FASTKD5: variants seen among roughly 807,000 people sequenced by gnomAD.
FASTKD5 encodes the protein non-canonical pre-mRNAs endonuclease FASTKD5, mitochondrial.
In FASTKD5, 30 loss-of-function variants were observed where a neutral mutation model predicts 44.0. The observed-to-expected ratio is 0.68, with a 90% CI of 0.51 to 0.93. The LOEUF is 0.93. FASTKD5 is among the 40% of genes least tolerant of loss of function. The probability of loss-of-function intolerance (pLI) is 0.00; values close to 1 mark genes in which losing one functional copy is unlikely to be tolerated. For missense variants in FASTKD5, 868 were observed against 908.2 expected (o/e 0.96, Z 0.57); for synonymous variants, 335 against 342.2 (o/e 0.98, Z 0.23).
rs760333265 is a variant in FASTKD5, at chr20:3,147,952, G to T, written c.1119C>A (p.Phe373Leu). The change falls in exon 2 of 2, where the codon TTC (phenylalanine) becomes TTA (leucine). Residue 373 changes from phenylalanine (F) to leucine (L), a missense_variant. Physicochemically the swap from Phe to Leu is conservative, Grantham distance 22. Transcript: ENST00000380266. ...GAGCTATCTCTCCAATCTGCTTCAT[G>T]AAATTGATGTGATCCACGTGAGTGA... The part of the protein sequence containing the change: ...FRFTHVDHIN[F>L]MKQIGEIAPQ... The T allele has an allele frequency of 6.2e-7, 1 of 1,614,244 alleles. No homozygotes were observed. The highest frequency in any genetic ancestry group is 1.7e-5 in the Admixed American group (1 of 60,028).
chr20:3,148,602 T>A lies in FASTKD5; in HGVS notation c.469A>T (p.Asn157Tyr). The A allele has an allele frequency of 6.2e-7, 1 of 1,614,196 alleles. No homozygotes were observed. The highest frequency in any genetic ancestry group is 8.5e-7 in the Non-Finnish European group (1 of 1,180,048). ...TCAACAATGACTTGAGCCTGGAGATTATTTTGATTAACTCTGACTTTGTGC... is the reference window on the plus strand; with the variant it reads ...TCAACAATGACTTGAGCCTGGAGATAATTTTGATTAACTCTGACTTTGTGC... ...ILHKVRVNQN[N>Y]LQAQVIVDYL... The change falls in exon 2 of 2, where the codon AAT (asparagine) becomes TAT (tyrosine). Residue 157 changes from asparagine (N) to tyrosine (Y), a missense_variant. By Grantham distance (143) the Asn-to-Tyr change is moderately radical. Coordinates refer to ENST00000380266, the MANE Select transcript of FASTKD5 (RefSeq NM_021826.5).
chr20:3,146,658 AG>A lies in FASTKD5; in HGVS notation c.*117del. 8.3e-7 allele frequency: 1 copy of A among 1,201,378 alleles called. No individual in the cohort carries two copies. The highest frequency in any genetic ancestry group is 2.3e-5 in the East Asian group (1 of 42,646). 74.4% of individuals were successfully genotyped at this position (1,201,378 alleles called of 1,614,324 possible). A position where few individuals can be genotyped will look rare whatever the true frequency, so the allele number is the denominator to read the frequency against. On this transcript the variant is annotated 3_prime_UTR_variant, in exon 2 of 2. Transcript: ENST00000380266. ...CTCTAACCTGCCTTGGATACAATTA[AG>A]TCTCCTCAACACACTATTTTATCGC...
intron 1 of FASTKD5, among the ~76,000 whole-genome samples, chr20:3,155,479 C>T (rs2066674544): frequency 3.3e-5 from 5 of 151,874 alleles, no homozygotes; most frequent in Non-Finnish European, 5.9e-5. Flanking sequence ...TGTGGTGAGG[C>T]GAGGTCGCAC....
rs2148622142 is a variant in FASTKD5, at chr20:3,149,753, C to T, written c.-190-493G>A. Among the ~76,000 whole-genome samples the T allele has an allele frequency of 6.6e-6, 1 of 152,288 alleles. No individual in the cohort carries two copies. Among genetic ancestry groups the T allele is most frequent in the South Asian group, 2.1e-4 (1 of 4,818 alleles). On this transcript the variant is annotated intron_variant, in intron 1 of 1. Coordinates refer to ENST00000380266, the MANE Select transcript of FASTKD5 (RefSeq NM_021826.5). This position sits in a 1 kb window ranked among gnomAD's most constrained non-coding sequence, Gnocchi z 4.1. ...ATTAGTTGGCTGGGTGTGGGTGGCT[C>T]ATGCCTGTAATGCCAGCACTTTGGG...
Position 3,147,002 on chromosome 20 carries a change from A to G in FASTKD5, c.2069T>C (p.Met690Thr), listed in dbSNP as rs1418162981. 1 of 1,614,186 alleles carries G rather than the reference A, an allele frequency of 6.2e-7. No homozygotes were observed. Among genetic ancestry groups the G allele is most frequent in the East Asian group, 2.2e-5 (1 of 44,878 alleles). Residue 690 changes from methionine (M) to threonine (T), a missense_variant, in exon 2 of 2, where the codon ATG (methionine) becomes ACG (threonine). Transcript: ENST00000380266. ...AGCCAGCTTCATTCTTGGGGTCTGCATGCAGGCTGCGGGGCACAGGCCAGC... is the reference window on the plus strand; with the variant it reads ...AGCCAGCTTCATTCTTGGGGTCTGCGTGCAGGCTGCGGGGCACAGGCCAGC... ...EMAGLCPAAC[M>T]QTPRMKLAVQ...
chr20:3,157,861 A>G (rs2066703209), intron 1 of FASTKD5, among the ~76,000 whole-genome samples: 1 of 152,184 alleles, frequency 6.6e-6, no homozygotes, highest in Admixed American at 6.5e-5. Context: ...GCTGTATAGT[A>G]CATACTTCAG....
intron 1 of FASTKD5, among the ~76,000 whole-genome samples, chr20:3,153,126 G>T (rs1279521153): frequency 6.6e-6 from 1 of 152,046 alleles, no homozygotes; most frequent in African/African-American, 2.4e-5. Context: ...CTCTATAAAT[G>T]ATATTAATTT....
Position 3,146,601 on chromosome 20 carries a change from A to C in FASTKD5, c.*175T>G. ...CATTTGCAGTAATTTGTACAATCCA[A>C]CTACATTACAATTCACAGTAACATA... On this transcript the variant is annotated 3_prime_UTR_variant, in exon 2 of 2. Coordinates refer to ENST00000380266, the MANE Select transcript of FASTKD5 (RefSeq NM_021826.5). 1 of 680,242 alleles carries C rather than the reference A, an allele frequency of 1.5e-6. No homozygotes were observed. The highest frequency in any genetic ancestry group is 2.0e-5 in the South Asian group (1 of 50,704). 42.1% of individuals were successfully genotyped at this position (680,242 alleles called of 1,614,324 possible).
chr20:3,149,171 G>A lies in FASTKD5; in HGVS notation c.-101C>T. On this transcript the variant is annotated 5_prime_UTR_variant, in exon 2 of 2. Coordinates refer to ENST00000380266, the MANE Select transcript of FASTKD5 (RefSeq NM_021826.5). This position sits in a 1 kb window ranked among gnomAD's most constrained non-coding sequence, Gnocchi z 4.1. ...ATGGTGCTTGATTAGAGCTGGACGG[G>A]GAGGTGTTCCACAAAAACTGCCTGG... 7.4e-7 allele frequency: 1 copy of A among 1,347,552 alleles called. No individual in the cohort carries two copies. The highest frequency in any genetic ancestry group is 1.0e-6 in the Non-Finnish European group (1 of 992,124). The allele number at this position is 1,347,552 out of a possible 1,614,324, so 83.5% of individuals were successfully genotyped here.
rs529048399 is a variant in FASTKD5, at chr20:3,158,619, C to CGT, written c.-191+1146_-191+1147insAC. Among the ~76,000 whole-genome samples the CGT allele has an allele frequency of 4.0e-3, 613 of 152,172 alleles. 4 individuals carry two copies. The highest frequency in any genetic ancestry group is 0.03 in the South Asian group (143 of 4,806). ...CCTCCAGAGTAGCTGGGACTACAGG[C>CGT]GCCCGCCACCACGCCCAGCTATTTT... On this transcript the variant is annotated intron_variant, in intron 1 of 1. Transcript: ENST00000380266.
chr20:3,151,068 T>TTGTG (rs142154039), intron 1 of FASTKD5, among the ~76,000 whole-genome samples: 7 of 149,360 alleles, frequency 4.7e-5, no homozygotes, highest in African/African-American at 1.5e-4. Context: ...GTGTGTGTGT[T>TTGTG]TGTGTGTGTG....
chr20:3,146,823 C>G lies in FASTKD5; in HGVS notation c.2248G>C (p.Glu750Gln). ...WLPLLKRTRL[E>Q]KLAFLHEKVF... ...TTCTCATGAAGAAACGCCAACTTTT[C>G]TAAGCGAGTTCGTTTCAGTAGTGGG... Residue 750 changes from glutamate to glutamine, a missense_variant, in exon 2 of 2, where the codon GAA (glutamate) becomes CAA (glutamine). Glu to Gln is a conservative substitution (Grantham distance 29, BLOSUM62 2). Transcript: ENST00000380266. 1 of 1,614,144 alleles carries G rather than the reference C, an allele frequency of 6.2e-7. No individual in the cohort carries two copies. Among genetic ancestry groups the G allele is most frequent in the South Asian group, 1.1e-5 (1 of 91,076 alleles).
intron 1 of FASTKD5, among the ~76,000 whole-genome samples, chr20:3,158,127 TTTTTTTG>T (rs2066707939): frequency 6.6e-6 from 1 of 151,884 alleles, no homozygotes; most frequent in South Asian, 2.1e-4. Context: ...TTTTGTGTGT[TTTTTTTG>T]TTTTTTGTTT....
In FASTKD5 at chr20:3,146,700, G is replaced by A; in HGVS notation, c.*76C>T. ...ATTTTATCGCCAAACTTACATTCTG[G>A]CTTTTATAATCATTTTGCAACACCT... On this transcript the variant is annotated 3_prime_UTR_variant, in exon 2 of 2. Transcript: ENST00000380266. The A allele has an allele frequency of 6.7e-7, 1 of 1,495,470 alleles. No homozygotes were observed. 92.6% of individuals were successfully genotyped at this position (1,495,470 alleles called of 1,614,324 possible).
rs774613103 is a variant in FASTKD5 at position 3,147,487 on chromosome 20, G to A, written c.1584C>T (p.Tyr528=). 2 of 1,614,202 alleles carry A rather than the reference G, an allele frequency of 1.2e-6. No homozygotes were observed. The highest frequency in any genetic ancestry group is 2.2e-5 in the East Asian group (1 of 44,888). The stretch of plus-strand genomic sequence containing the variant: ...GGTGAGTACTAAGACGATTGCCTCT[G>A]TAATCTGGACACTCAATGCCAACTG... The part of the protein sequence containing the change: ...DGTVGIECPD[Y]RGNRLSTHLQ... Residue 528 remains tyrosine, a synonymous_variant, in exon 2 of 2, where the codon TAC becomes TAT. Coordinates refer to ENST00000380266, the MANE Select transcript of FASTKD5 (RefSeq NM_021826.5).
Position 3,148,515 on chromosome 20 carries a change from T to C in FASTKD5, c.556A>G (p.Ser186Gly). 1 of 1,614,190 alleles carries C rather than the reference T, an allele frequency of 6.2e-7. No homozygotes were observed. The highest frequency in any genetic ancestry group is 8.5e-7 in the Non-Finnish European group (1 of 1,180,038). Reference sequence around the variant, plus strand: ...CTCAGCTGGCAGAGCAGAGCAAAGCTGGTACTGCCCAGCAAGACAGGATGC... The same window carrying C: ...CTCAGCTGGCAGAGCAGAGCAAAGCCGGTACTGCCCAGCAAGACAGGATGC... ...EQHPVLLGSTSFALLCQLSVK... is the reference protein window; with the variant it reads ...EQHPVLLGSTGFALLCQLSVK... The change falls in exon 2 of 2, where the codon AGC becomes GGC. Residue 186 changes from serine to glycine, a missense_variant. Transcript: ENST00000380266.
intron 1 of FASTKD5, among the ~76,000 whole-genome samples, chr20:3,152,135 C>T (rs917688549): frequency 7.3e-6 from 1 of 136,258 alleles, no homozygotes; most frequent in Admixed American, 7.6e-5. Context: ...ACCAAAAAAA[C>T]AGAGATAGCA....
chr20:3,152,956 T>A (rs115552133), intron 1 of FASTKD5, among the ~76,000 whole-genome samples: 3,008 of 152,030 alleles, frequency 0.02, 117 homozygotes, highest in African/African-American at 0.068. Context: ...TCCCATTTTT[T>A]AAATAAAATA....
In FASTKD5 at chr20:3,148,830, T is replaced by G; in HGVS notation, c.241A>C (p.Ser81Arg). Residue 81 changes from serine to arginine, a missense_variant, in exon 2 of 2, where the codon AGC becomes CGC. Coordinates refer to ENST00000380266, the MANE Select transcript of FASTKD5 (RefSeq NM_021826.5). Reference sequence around the variant, plus strand: ...CTGGCCTTAGAGGAAGAAGTCTTGCTGAATTCCAAACCTGGGTGGGCACTG... The same window carrying G: ...CTGGCCTTAGAGGAAGAAGTCTTGCGGAATTCCAAACCTGGGTGGGCACTG... ...TSSAHPGLEF[S>R]KTSSSKASTL... The G allele has an allele frequency of 6.2e-7, 1 of 1,614,246 alleles. No homozygotes were observed.
Sources: gnomAD v4.1 joint callset for allele counts (sites outside exome capture counted in the v4.1 genomes callset) on GRCh38, gnomAD v4.1.1 for gene constraint, Gnocchi (gnomAD v3.1) non-coding constraint, MANE v1.5 for transcripts, NCBI Gene and HGNC (gene_info 2026-07-23, HGNC 2026-07-21) for gene names.